The following THAP4 variants were observed in gnomAD, a reference collection of about 807,000 sequenced individuals.
The protein encoded by THAP4 is peroxynitrite isomerase THAP4.
THAP4 carries 18 observed loss-of-function variants against 48.1 expected under a neutral mutation model. The observed-to-expected ratio is 0.37, with a 90% confidence interval of 0.26 to 0.56. The LOEUF (loss-of-function observed/expected upper bound fraction) is 0.56. Ranked by LOEUF, THAP4 falls within the 20% of genes least tolerant of loss-of-function variation. The pLI is 0.78. For synonymous variants in THAP4, 345 were observed against 324.9 expected (o/e 1.06, Z -0.66); for missense variants, 656 against 774.9 (o/e 0.85, Z 1.82).
intron 5 of THAP4, among the ~76,000 whole-genome samples, chr2:241,598,729 T>C (rs911671742): frequency 1.3e-5 from 2 of 151,996 alleles, no homozygotes; most frequent in Non-Finnish European, 2.9e-5. Flanking sequence ...TGCTGGCCAC[T>C]CACCTCCTGC....
chr2:241,592,372 A>G (rs1273027055), intron 5 of THAP4: 1 of 152,394 alleles, frequency 6.6e-6, no homozygotes, highest in Non-Finnish European at 1.5e-5. Context: ...GGCCCTCCCA[A>G]AAAGAGTCAC....
chr2:241,604,140 C>T (rs989150797), intron 3 of THAP4, among the ~76,000 whole-genome samples: 13 of 152,136 alleles, frequency 8.5e-5, no homozygotes. Context: ...TCGTCGCGGT[C>T]TCAGCTCAGT....
rs542734746 is a variant in THAP4, at chr2:241,601,598, A to G, written c.1614+298T>C. Among the ~76,000 whole-genome samples the G allele has an allele frequency of 6.6e-6, 1 of 152,298 alleles. No individual in the cohort carries two copies. Among genetic ancestry groups the G allele is most frequent in the East Asian group, 1.9e-4 (1 of 5,186 alleles). ...TTTGATCCAGCAATTTAACTGGGAAAAATTTATCAATAGATATGGATATAT... is the reference window on the plus strand; with the variant it reads ...TTTGATCCAGCAATTTAACTGGGAAGAATTTATCAATAGATATGGATATAT... On this transcript the variant is annotated intron_variant, in intron 5 of 5. Transcript: ENST00000407315. The surrounding 1 kb of genome is among the most constrained non-coding windows in gnomAD (Gnocchi z 4.0).
intron 2 of THAP4, among the ~76,000 whole-genome samples, chr2:241,620,407 G>C (rs531316786): frequency 1.1e-4 from 15 of 132,758 alleles, no homozygotes; most frequent in Non-Finnish European, 2.1e-4. Context: ...TGAGGGGAGA[G>C]TGAGTCGGTG....
At chr2:241,595,625 G>A (rs375189150) in intron 5 of THAP4, among the ~76,000 whole-genome samples, 4 of 150,242 alleles carry the variant, frequency 2.7e-5, no homozygotes, top group South Asian at 2.1e-4. Flanking sequence ...CAACAAGAGC[G>A]AAACTCTGTC....
upstream of THAP4, chr2:241,637,509 A>G (rs533272025): frequency 9.9e-4 from 1,421 of 1,438,768 alleles, 22 homozygotes; most frequent in African/African-American, 0.019. Context: ...ACACGACCCC[A>G]TGCCGCCCGC....
intron 3 of THAP4, among the ~76,000 whole-genome samples, chr2:241,604,094 C>CT (rs1295156469): frequency 6.6e-6 from 1 of 151,684 alleles, no homozygotes; most frequent in Admixed American, 6.6e-5. Context: ...TAGAGATAAA[C>CT]TTTATTTATT....
chr2:241,600,107 A>T (rs1272763997), intron 5 of THAP4, among the ~76,000 whole-genome samples: 1 of 152,044 alleles, frequency 6.6e-6, no homozygotes, highest in Non-Finnish European at 1.5e-5. Flanking sequence ...GAGGCAGGAG[A>T]ATCACCTGAA....
rs552372735 is a variant in THAP4, at chr2:241,601,815, C to T, written c.1614+81G>A. ...GACACAGTGGCAAGACACGCACTAC[C>T]TCACGGAAGAGGAAGAGGCTGACTC... On this transcript the variant is annotated intron_variant, in intron 5 of 5. Transcript: ENST00000407315. The surrounding 1 kb of genome is among the most constrained non-coding windows in gnomAD (Gnocchi z 4.0). 2.5e-5 allele frequency: 40 copies of T among 1,584,516 alleles called. No homozygotes were observed. In the East Asian group the frequency reaches 8.9e-4, roughly 35 times the overall value.
chr2:241,590,993 C>G (rs879812362), intron 5 of THAP4, among the ~76,000 whole-genome samples: 1 of 105,254 alleles, frequency 9.5e-6, no homozygotes, highest in African/African-American at 3.6e-5. Context: ...CAGAGCTGCT[C>G]GGCTGACAAT....
At chr2:241,601,000 C>A (rs1169419226) in intron 5 of THAP4, among the ~76,000 whole-genome samples, 1 of 151,750 alleles carries the variant, frequency 6.6e-6, no homozygotes, top group African/African-American at 2.4e-5. Flanking sequence ...ACAATCTGGC[C>A]GGGCACGGTT....
intron 4 of THAP4, among the ~76,000 whole-genome samples, chr2:241,602,463 C>A (rs2067127378): frequency 6.6e-6 from 1 of 151,708 alleles, no homozygotes; most frequent in Admixed American, 6.6e-5. Flanking sequence ...CTCCCAGGTT[C>A]AAGTGATTCT....
intron 5 of THAP4, among the ~76,000 whole-genome samples, chr2:241,585,701 T>A (rs2066884913): frequency 1.3e-5 from 2 of 151,696 alleles, no homozygotes; most frequent in Non-Finnish European, 2.9e-5. Flanking sequence ...AGTGGGGCCT[T>A]CTCAGACTCA....
chr2:241,635,059 G>T (rs2067618470), intron 1 of THAP4, among the ~76,000 whole-genome samples: 1 of 152,242 alleles, frequency 6.6e-6, no homozygotes, highest in Admixed American at 6.5e-5. Context: ...TAATTCTGGA[G>T]GTGGATGGTA....
chr2:241,598,518 A>G (rs980632090), intron 5 of THAP4, among the ~76,000 whole-genome samples: 1 of 151,882 alleles, frequency 6.6e-6, no homozygotes, highest in African/African-American at 2.4e-5. Context: ...ATGGAAGACA[A>G]TTTTTCCACA....
chr2:241,589,688 C>T (rs1006110719), intron 5 of THAP4, among the ~76,000 whole-genome samples: 1 of 133,532 alleles, frequency 7.5e-6, no homozygotes, highest in African/African-American at 2.9e-5. Flanking sequence ...AGGTATGCAC[C>T]CAAGAGGAAA....
chr2:241,636,738 G>A (rs1248330915), intron 1 of THAP4, among the ~76,000 whole-genome samples: 1 of 151,370 alleles, frequency 6.6e-6, no homozygotes, highest in African/African-American at 2.4e-5. Flanking sequence ...AGGCGGCCGG[G>A]GTGGGGGCGG....
At chr2:241,606,495 T>G (rs1482952255) in intron 2 of THAP4, 22 bp from the exon 3 acceptor site, 1 of 1,575,720 alleles carries the variant, frequency 6.3e-7, no homozygotes, top group South Asian at 1.2e-5. Context: ...AGAATGAGAC[T>G]ATCAGTGGCC....
chr2:241,637,498 G>A, upstream of THAP4: 5 of 1,443,226 alleles, frequency 3.5e-6, no homozygotes, highest in South Asian at 1.4e-5. Context: ...GTCGTCCCAC[G>A]ACACGACCCC....
Sources: allele counts gnomAD v4.1 joint callset (sites outside exome capture counted in the v4.1 genomes callset), GRCh38; gene constraint gnomAD v4.1.1; non-coding constraint Gnocchi (gnomAD v3.1); transcripts MANE v1.5; gene names NCBI Gene and HGNC (gene_info 2026-07-23, HGNC 2026-07-21).